Variants in PTPRR observed in about 807,000 individuals in gnomAD.
The protein encoded by PTPRR is protein tyrosine phosphatase receptor type R.
Under a neutral mutation model 77.2 loss-of-function variants are expected in PTPRR, and 38 were observed. That is an observed-to-expected ratio of 0.49 (90% CI 0.38 to 0.65). The LOEUF is 0.65. Ranked by LOEUF, PTPRR falls within the 30% of genes least tolerant of loss-of-function variation. PTPRR has a pLI of 0.00. For synonymous variants in PTPRR, 299 were observed against 283.1 expected, an observed-to-expected ratio of 1.06 and a Z score of -0.57; for missense variants, 744 against 799.2, an observed-to-expected ratio of 0.93 and a Z score of 0.83.
At chr12:70,786,839 G>C (rs1891332408) in intron 2 of PTPRR, among the ~76,000 whole-genome samples, 1 of 152,130 alleles carries the variant, frequency 6.6e-6, no homozygotes, top group African/African-American at 2.4e-5. Flanking sequence ...AAAACTCTAT[G>C]ATTTAATGTC....
intron 11 of PTPRR, among the ~76,000 whole-genome samples, chr12:70,661,809 C>G (rs1279476225): frequency 6.6e-6 from 1 of 152,210 alleles, no homozygotes; most frequent in Non-Finnish European, 1.5e-5. Context: ...TTCCAAACTT[C>G]CCAACAAAAG....
intron 8 of PTPRR, among the ~76,000 whole-genome samples, chr12:70,691,356 T>C (rs1888049286): frequency 6.6e-6 from 1 of 152,222 alleles, no homozygotes; most frequent in South Asian, 2.1e-4. Flanking sequence ...CACAACGTTC[T>C]GGTTTTCCTG....
At chr12:70,646,401 C>T (rs968053273) in intron 13 of PTPRR, among the ~76,000 whole-genome samples, 4 of 152,114 alleles carry the variant, frequency 2.6e-5, no homozygotes, top group Non-Finnish European at 5.9e-5. Flanking sequence ...ATTTGTAGGT[C>T]ATAAAAATCA....
chr12:70,874,920 C>CAAAAAAAAAA (rs34592534), intron 2 of PTPRR, among the ~76,000 whole-genome samples: 1 of 76,830 alleles, frequency 1.3e-5, no homozygotes, highest in Non-Finnish European at 2.6e-5. Context: ...GACTCCATCT[C>CAAAAAAAAAA]AAAAAAAAAA....
chr12:70,693,652 G>C (rs1006701367), intron 8 of PTPRR, among the ~76,000 whole-genome samples: 2 of 151,760 alleles, frequency 1.3e-5, no homozygotes, highest in African/African-American at 4.8e-5. Context: ...ATATAACTGA[G>C]TATGGGGAAA....
chr12:70,741,371 C>G (rs187335999), intron 6 of PTPRR, among the ~76,000 whole-genome samples: 1 of 152,138 alleles, frequency 6.6e-6, no homozygotes, highest in South Asian at 2.1e-4. Context: ...AGCCTCCATA[C>G]AGAAGAGAGG....
At chr12:70,886,632 T>C (rs2137110850) in intron 2 of PTPRR, among the ~76,000 whole-genome samples, 1 of 152,332 alleles carries the variant, frequency 6.6e-6, no homozygotes, top group Admixed American at 6.5e-5. Flanking sequence ...CAAGTATATT[T>C]TTAATGGAAT....
At chr12:70,672,754 T>C in intron 10 of PTPRR, 1 of 1,553,562 alleles carries the variant, frequency 6.4e-7, no homozygotes, top group East Asian at 2.6e-5. Flanking sequence ...GACTGGGACC[T>C]CCCCAGGTGT....
At chr12:70,765,781 C>T (rs1188687674) in intron 2 of PTPRR, among the ~76,000 whole-genome samples, 1 of 152,204 alleles carries the variant, frequency 6.6e-6, no homozygotes, top group Non-Finnish European at 1.5e-5. Flanking sequence ...GGCAGACTGA[C>T]ACCTCACACA....
At chr12:70,743,568 G>T (rs1890119351) in intron 6 of PTPRR, among the ~76,000 whole-genome samples, 1 of 152,114 alleles carries the variant, frequency 6.6e-6, no homozygotes, top group Non-Finnish European at 1.5e-5. Flanking sequence ...CTAGGGTTGA[G>T]GTGAATGACC....
At chr12:70,826,676 C>T (rs1001451911) in intron 2 of PTPRR, among the ~76,000 whole-genome samples, 2 of 152,156 alleles carry the variant, frequency 1.3e-5, no homozygotes, top group South Asian at 2.1e-4. Context: ...ATATATTCAA[C>T]AGAAACTAAT....
chr12:70,679,197 T>A (rs1036450241), intron 10 of PTPRR, among the ~76,000 whole-genome samples: 2 of 152,256 alleles, frequency 1.3e-5, no homozygotes, highest in African/African-American at 4.8e-5. Context: ...TTTAGGAGCA[T>A]ATTGTTTAAT....
intron 2 of PTPRR, among the ~76,000 whole-genome samples, chr12:70,866,042 G>C (rs997859956): frequency 6.6e-6 from 1 of 152,094 alleles, no homozygotes; most frequent in Admixed American, 6.6e-5. Context: ...GCAGTGTGTA[G>C]AGGGAAATTT....
intron 2 of PTPRR, among the ~76,000 whole-genome samples, chr12:70,868,890 T>C (rs1411319499): frequency 6.6e-6 from 1 of 151,820 alleles, no homozygotes; most frequent in African/African-American, 2.4e-5. Flanking sequence ...TGTAGGGACA[T>C]GGATGAAACT....
At position 70,669,490 on chromosome 12, in the gene PTPRR, G is replaced by GTA. The variant is rs1566056425; in HGVS notation, c.1498-6887_1498-6886dup. On this transcript the variant is annotated intron_variant, in intron 10 of 13. Coordinates refer to ENST00000283228, the MANE Select transcript of PTPRR (RefSeq NM_002849.4). ...ATACACACAAGCTATGTGTGTGTGTGTATATATATACGAGCTATATATATA... is the reference window on the plus strand; with the variant it reads ...ATACACACAAGCTATGTGTGTGTGTGTATATATATATACGAGCTATATATATA... Among the ~76,000 whole-genome samples, 12 of 140,632 alleles carry GTA rather than the reference G, an allele frequency of 8.5e-5. No individual in the cohort carries two copies. The South Asian group carries it at 9.3e-4, about 11-fold the overall frequency. The allele number at this position is 140,632 out of a possible 152,430, so 92.3% of individuals were successfully genotyped here.
intron 13 of PTPRR, among the ~76,000 whole-genome samples, chr12:70,648,695 C>T (rs1886286654): frequency 6.6e-6 from 1 of 151,992 alleles, no homozygotes; most frequent in Non-Finnish European, 1.5e-5. Flanking sequence ...ACATCTAGTC[C>T]AGAGATGTCC....
At chr12:70,671,880 C>G (rs1887239175) in intron 10 of PTPRR, 1 of 683,850 alleles carries the variant, frequency 1.5e-6, no homozygotes. Flanking sequence ...CAAGCACTAA[C>G]CCAGCGCAGG....
chr12:70,827,273 C>A (rs1481465067), intron 2 of PTPRR, among the ~76,000 whole-genome samples: 1 of 152,194 alleles, frequency 6.6e-6, no homozygotes, highest in Non-Finnish European at 1.5e-5. Context: ...TAGCACATAG[C>A]AGGTACTTAA....
rs568369744 is a variant in PTPRR at position 70,882,023 on chromosome 12, T to C, written c.357+10656A>G. Among the ~76,000 whole-genome samples, 7 of 152,322 alleles carry C rather than the reference T, an allele frequency of 4.6e-5. No individual in the cohort carries two copies. The South Asian group carries it at 1.5e-3, about 32-fold the overall frequency. ...ACAGCCTTTGCGTTACGCTGTTGGA[T>C]TTCTTGTTTAGTTTCATACCGATAA... On this transcript the variant is annotated intron_variant, in intron 2 of 13. Transcript: ENST00000283228.
Sources: gnomAD v4.1 joint callset for allele counts (sites outside exome capture counted in the v4.1 genomes callset) on GRCh38, gnomAD v4.1.1 for gene constraint, MANE v1.5 for transcripts, NCBI Gene and HGNC (gene_info 2026-07-23, HGNC 2026-07-21) for gene names.